Variants in GALNTL6 observed in about 807,000 individuals in gnomAD.
GALNTL6 encodes polypeptide N-acetylgalactosaminyltransferase-like 6.
A neutral mutation model predicts 73.7 loss-of-function variants in GALNTL6; 46 were observed. The observed-to-expected ratio is 0.62, with a 90% CI of 0.49 to 0.80. GALNTL6 has a LOEUF of 0.80. Among genes scored for constraint, GALNTL6 ranks in the 30% least tolerant of loss-of-function variants. The pLI is 0.00. For synonymous variants in GALNTL6, 259 were observed against 263.7 expected, an observed-to-expected ratio of 0.98 and a Z score of 0.17; for missense variants, 604 against 755.0, an observed-to-expected ratio of 0.80 and a Z score of 2.34.
At chr4:172,060,117 C>A (rs189511416) in intron 2 of GALNTL6, among the ~76,000 whole-genome samples, 10 of 152,084 alleles carry the variant, frequency 6.6e-5, no homozygotes, top group Non-Finnish European at 1.5e-4. Flanking sequence ...AAGTAATTCA[C>A]CAGGAGAGAA....
chr4:172,669,500 T>A (rs1299696278), intron 5 of GALNTL6, among the ~76,000 whole-genome samples: 2 of 152,082 alleles, frequency 1.3e-5, no homozygotes, highest in African/African-American at 2.4e-5. Context: ...GAAGAAAAAA[T>A]TTGCCAGTTG....
chr4:171,877,042 A>G (rs1736299743), intron 2 of GALNTL6, among the ~76,000 whole-genome samples: 1 of 152,078 alleles, frequency 6.6e-6, no homozygotes, highest in Non-Finnish European at 1.5e-5. Context: ...CGCCCTCATT[A>G]GGCTGAGAAT....
chr4:172,198,650 G>C (rs898381867), intron 2 of GALNTL6, among the ~76,000 whole-genome samples: 2 of 152,130 alleles, frequency 1.3e-5, no homozygotes, highest in African/African-American at 2.4e-5. Context: ...AGAGTTAAAA[G>C]TGTTGCCAGT....
intron 7 of GALNTL6, among the ~76,000 whole-genome samples, chr4:172,861,717 T>C (rs1744403379): frequency 6.6e-6 from 1 of 152,166 alleles, no homozygotes; most frequent in African/African-American, 2.4e-5. Flanking sequence ...GCTGTTCTCA[T>C]GATAGTGAAT....
In GALNTL6 at chr4:172,293,538, T is replaced by A. The variant is rs541541820; in HGVS notation, c.248-18076T>A. On this transcript the variant is annotated intron_variant, in intron 3 of 12. Transcript: ENST00000506823. ...ACCAATAATTATGTCATTAAAGATC[T>A]AACTAGAACTAATGAGAATGAGCTA... Among the ~76,000 whole-genome samples the A allele has an allele frequency of 3.3e-5, 5 of 152,220 alleles. No individual in the cohort carries two copies. In the South Asian group the frequency reaches 1.0e-3, roughly 32 times the overall value.
intron 2 of GALNTL6, among the ~76,000 whole-genome samples, chr4:172,188,565 C>G (rs1420902137): frequency 1.3e-4 from 20 of 152,132 alleles, no homozygotes. Flanking sequence ...ATATTGCTAA[C>G]AGAAAACATA....
chr4:172,135,179 A>T (rs943967385), intron 2 of GALNTL6, among the ~76,000 whole-genome samples: 3 of 152,186 alleles, frequency 2.0e-5, no homozygotes, highest in Non-Finnish European at 4.4e-5. Context: ...TATAAGCTAT[A>T]CTTATAATTT....
At chr4:172,685,185 C>T (rs938852754) in intron 5 of GALNTL6, among the ~76,000 whole-genome samples, 1 of 152,016 alleles carries the variant, frequency 6.6e-6, no homozygotes, top group Non-Finnish European at 1.5e-5. Flanking sequence ...AATAAAAATT[C>T]ACCGAGATTC....
intron 2 of GALNTL6, among the ~76,000 whole-genome samples, chr4:172,004,300 G>A: frequency 6.6e-6 from 1 of 152,134 alleles, no homozygotes; most frequent in Admixed American, 6.6e-5. Flanking sequence ...CAGAAAGAGT[G>A]ACAATGGATC....
At chr4:172,462,605 T>C (rs573569321) in intron 5 of GALNTL6, among the ~76,000 whole-genome samples, 1 of 152,268 alleles carries the variant, frequency 6.6e-6, no homozygotes, top group East Asian at 1.9e-4. Context: ...TCAGTATAAC[T>C]GCTTATTTAA....
intron 5 of GALNTL6, among the ~76,000 whole-genome samples, chr4:172,412,639 G>A (rs1203702195): frequency 6.6e-6 from 1 of 151,980 alleles, no homozygotes; most frequent in Non-Finnish European, 1.5e-5. Context: ...ATCATAGATG[G>A]GCACAATGTA....
intron 2 of GALNTL6, among the ~76,000 whole-genome samples, chr4:171,951,723 C>T (rs1300697590): frequency 3.3e-5 from 5 of 151,430 alleles, no homozygotes; most frequent in African/African-American, 7.3e-5. Flanking sequence ...AAGAAATCTG[C>T]GGAAAAAATT....
chr4:172,103,035 T>C (rs1464981448), intron 2 of GALNTL6, among the ~76,000 whole-genome samples: 1 of 152,154 alleles, frequency 6.6e-6, no homozygotes, highest in Non-Finnish European at 1.5e-5. Context: ...GACCTAGGAA[T>C]AAAGGTTCAT....
At chr4:172,310,943 T>C (rs912463281) in intron 3 of GALNTL6, among the ~76,000 whole-genome samples, 1 of 152,022 alleles carries the variant, frequency 6.6e-6, no homozygotes, top group African/African-American at 2.4e-5. Context: ...GCTTGAACAA[T>C]CATTTCACAA....
At chr4:172,597,822 A>G (rs1159637627) in intron 5 of GALNTL6, among the ~76,000 whole-genome samples, 1 of 152,162 alleles carries the variant, frequency 6.6e-6, no homozygotes, top group Admixed American at 6.5e-5. Context: ...CAAAAAGTAT[A>G]TGCTTATTCA....
chr4:171,990,448 G>A (rs567875784), intron 2 of GALNTL6, among the ~76,000 whole-genome samples: 2 of 152,232 alleles, frequency 1.3e-5, no homozygotes, highest in South Asian at 4.1e-4. Context: ...AACCCAAACA[G>A]TGGGTTTCAG....
chr4:172,648,591 CA>C (rs1469296839), intron 5 of GALNTL6, among the ~76,000 whole-genome samples: 1 of 151,820 alleles, frequency 6.6e-6, no homozygotes, highest in East Asian at 1.9e-4. Flanking sequence ...ATTTTAAGTC[CA>C]AAAAAATCAG....
chr4:172,665,660 A>G (rs1330532918), intron 5 of GALNTL6, among the ~76,000 whole-genome samples: 2 of 152,234 alleles, frequency 1.3e-5, no homozygotes, highest in Non-Finnish European at 2.9e-5. Flanking sequence ...CATTATATGC[A>G]TTCATACTTA....
chr4:171,960,688 T>TAAAAAAAA (rs201299722), intron 2 of GALNTL6, among the ~76,000 whole-genome samples: 2 of 129,492 alleles, frequency 1.5e-5, no homozygotes, highest in Admixed American at 8.0e-5. Flanking sequence ...TGTCTTTATT[T>TAAAAAAAA]AAAAAAAAAA....
Sources: gnomAD v4.1 joint callset for allele counts (sites outside exome capture counted in the v4.1 genomes callset) on GRCh38, gnomAD v4.1.1 for gene constraint, MANE v1.5 for transcripts, NCBI Gene and HGNC (gene_info 2026-07-23, HGNC 2026-07-21) for gene names.